The following PRLR variants were observed in gnomAD, a reference collection of about 807,000 sequenced individuals.
PRLR encodes prolactin receptor, also known as hPRL receptor.
A neutral mutation model predicts 40.2 loss-of-function variants in PRLR; 13 were observed. The ratio of observed to expected loss-of-function variants is 0.32; its 90% confidence interval spans 0.21 to 0.51. The LOEUF is 0.51. PRLR is among the 20% of genes least tolerant of loss of function. The pLI, the probability that PRLR is intolerant of heterozygous loss-of-function variation, is 0.97. For synonymous variants in PRLR, 269 were observed against 278.7 expected (o/e 0.97, Z 0.35); for missense variants, 656 against 747.3 (o/e 0.88, Z 1.42).
intron 1 of PRLR, among the ~76,000 whole-genome samples, chr5:35,212,335 T>C (rs1439932618): frequency 1.3e-5 from 2 of 152,262 alleles, no homozygotes; most frequent in African/African-American, 4.8e-5. Context: ...TTTAGCTGTT[T>C]TTGATGCCTT....
At chr5:35,198,405 C>T (rs965949037) in intron 1 of PRLR, among the ~76,000 whole-genome samples, 5 of 152,360 alleles carry the variant, frequency 3.3e-5, no homozygotes, top group Admixed American at 6.5e-5. Context: ...AGCTGAGTGC[C>T]TTCTGTGGTT....
intron 8 of PRLR, among the ~76,000 whole-genome samples, chr5:35,049,903 C>CTTTTTT (rs57649490): frequency 7.3e-5 from 9 of 123,518 alleles, no homozygotes; most frequent in African/African-American, 2.2e-4. Context: ...AAACTACATT[C>CTTTTTT]TTTTTTTTTT....
At chr5:35,109,915 C>T (rs999609472) in intron 2 of PRLR, among the ~76,000 whole-genome samples, 1 of 152,140 alleles carries the variant, frequency 6.6e-6, no homozygotes, top group Non-Finnish European at 1.5e-5. Flanking sequence ...GACACATGCA[C>T]ACATATGTTT....
downstream of PRLR, among the ~76,000 whole-genome samples, chr5:35,052,665 A>G (rs776535980): frequency 2.0e-5 from 3 of 152,220 alleles, no homozygotes; most frequent in Non-Finnish European, 2.9e-5. Context: ...TTCTGTGTAA[A>G]AACTGACTGT....
At chr5:35,055,542 G>A (rs1768666795), downstream of PRLR, among the ~76,000 whole-genome samples, 1 of 151,668 alleles carries the variant, frequency 6.6e-6, no homozygotes, top group Admixed American at 6.6e-5. Context: ...GCATATGTCT[G>A]CATACTTTAT....
chr5:35,099,821 A>G (rs539913369), intron 2 of PRLR, among the ~76,000 whole-genome samples: 7 of 152,356 alleles, frequency 4.6e-5, no homozygotes, highest in African/African-American at 1.7e-4. Context: ...TAAGCATATA[A>G]AGAAGGAAAA....
chr5:35,087,142 C>T (rs1770906327), intron 3 of PRLR, among the ~76,000 whole-genome samples: 1 of 152,128 alleles, frequency 6.6e-6, no homozygotes, highest in Admixed American at 6.5e-5. Flanking sequence ...AGGTGCACAC[C>T]ACCACACCCG....
chr5:35,190,694 C>T (rs1158236947), intron 1 of PRLR, among the ~76,000 whole-genome samples: 2 of 152,074 alleles, frequency 1.3e-5, no homozygotes, highest in Non-Finnish European at 2.9e-5. Flanking sequence ...CAACATAATC[C>T]TATCATAATC....
At chr5:35,206,068 T>G (rs1776008349) in intron 1 of PRLR, among the ~76,000 whole-genome samples, 1 of 152,002 alleles carries the variant, frequency 6.6e-6, no homozygotes, top group Non-Finnish European at 1.5e-5. Context: ...TCAACTGAAA[T>G]AGAAAATACT....
At chr5:35,130,291 T>A (rs543849080) in intron 1 of PRLR, 1 of 152,232 alleles carries the variant, frequency 6.6e-6, no homozygotes, top group East Asian at 1.9e-4. Context: ...TGCGGCAGAA[T>A]CAAAATGGCT....
intron 1 of PRLR, among the ~76,000 whole-genome samples, chr5:35,178,419 A>G (rs955521137): frequency 1.3e-5 from 2 of 152,228 alleles, no homozygotes; most frequent in Admixed American, 1.3e-4. Flanking sequence ...TGAAGCAACT[A>G]GCTTGTAATC....
chr5:35,078,243 C>T (rs1258095082), intron 5 of PRLR, among the ~76,000 whole-genome samples: 1 of 151,640 alleles, frequency 6.6e-6, no homozygotes, highest in Admixed American at 6.6e-5. Context: ...AAAAAACCTT[C>T]AAAAAAATCA....
intron 5 of PRLR, among the ~76,000 whole-genome samples, chr5:35,080,115 G>A (rs1770404291): frequency 6.6e-6 from 1 of 152,152 alleles, no homozygotes; most frequent in South Asian, 2.1e-4. Flanking sequence ...ATACCATTCA[G>A]GACATAGGCA....
intron 1 of PRLR, among the ~76,000 whole-genome samples, chr5:35,163,472 A>G (rs941845968): frequency 6.6e-6 from 1 of 152,158 alleles, no homozygotes; most frequent in African/African-American, 2.4e-5. Flanking sequence ...GATGCGAGAT[A>G]ATGACAAGTG....
chr5:35,092,900 A>G (rs1771303609), intron 2 of PRLR, among the ~76,000 whole-genome samples: 2 of 152,062 alleles, frequency 1.3e-5, no homozygotes, highest in East Asian at 1.9e-4. Context: ...TTGCTTCCCA[A>G]TCTTCAAAGA....
chr5:35,225,868 G>A lies in PRLR; in HGVS notation c.-106+4400C>T, dbSNP rs190193051. On this transcript the variant is annotated intron_variant, in intron 1 of 9. Transcript: ENST00000618457. ...GCCTAATTTTTGCATTTTTAATAGA[G>A]ACGGGGTTTCACCGTGTTCCCCAGG... 3.5e-3 allele frequency among the ~76,000 whole-genome samples: 529 copies of A among 152,266 alleles called. 5 individuals are homozygous for A. Among genetic ancestry groups the A allele is most frequent in the Non-Finnish European group, 3.6e-3 (244 of 68,012 alleles).
intron 1 of PRLR, among the ~76,000 whole-genome samples, chr5:35,143,141 C>T (rs756951413): frequency 2.6e-5 from 4 of 152,200 alleles, no homozygotes; most frequent in African/African-American, 7.2e-5. Context: ...GAGCCAGAGT[C>T]GGCAAACTTT....
intron 1 of PRLR, among the ~76,000 whole-genome samples, chr5:35,178,767 A>G (rs530832013): frequency 6.6e-6 from 1 of 152,308 alleles, no homozygotes; most frequent in East Asian, 1.9e-4. Context: ...ATTTATGAAA[A>G]AAGTCACAAA....
chr5:35,113,432 TCCAC>T (rs1351487284), intron 2 of PRLR, among the ~76,000 whole-genome samples: 14 of 113,906 alleles, frequency 1.2e-4, no homozygotes, highest in South Asian at 3.4e-4. Flanking sequence ...CACCCATCCA[TCCAC>T]CCACCCACCC....
Sources: gnomAD v4.1 joint callset for allele counts (sites outside exome capture counted in the v4.1 genomes callset) on GRCh38, gnomAD v4.1.1 for gene constraint, MANE v1.5 for transcripts, NCBI Gene and HGNC (gene_info 2026-07-23, HGNC 2026-07-21) for gene names.